XPO5: variants seen among roughly 807,000 people sequenced by gnomAD.
The protein encoded by XPO5 is exportin 5.
XPO5 carries 46 observed loss-of-function variants against 160.6 expected under a neutral mutation model. The observed-to-expected ratio is 0.29, with a 90% CI of 0.23 to 0.37. The LOEUF is 0.37. XPO5 is among the 10% of genes least tolerant of loss of function. XPO5 has a pLI of 1.00. For missense variants in XPO5, 1,090 were observed against 1,463.9 expected (o/e 0.74, Z 4.17); for synonymous variants, 537 against 519.3 (o/e 1.03, Z -0.46).
Position 43,548,241 on chromosome 6 carries a change from G to C in XPO5, c.2060+20C>G. ...GGGTGCTTGAGTATAGTAAGAGTCA[G>C]GGCAAGGGATCTCCTTTACCTGTGC... On this transcript the variant is annotated intron_variant, in intron 18 of 31. Coordinates refer to ENST00000265351, the MANE Select transcript of XPO5 (RefSeq NM_020750.3). 6.3e-7 allele frequency: 1 copy of C among 1,577,460 alleles called. No homozygotes were observed. The highest frequency in any genetic ancestry group is 8.6e-7 in the Non-Finnish European group (1 of 1,158,572).
chr6:43,539,709 G>C, intron 20 of XPO5: 2 of 675,516 alleles, frequency 3.0e-6, no homozygotes, highest in Non-Finnish European at 5.0e-6. Context: ...GCCATTTGGT[G>C]TTTTCTCGGA....
chr6:43,570,535 T>C lies in XPO5; in HGVS notation c.588A>G (p.Thr196=), dbSNP rs369318781. 1.5e-5 allele frequency: 25 copies of C among 1,613,300 alleles called. No homozygotes were observed. The African/African-American group carries it at 3.1e-4, about 20-fold the overall frequency. Residue 196 remains threonine, a synonymous_variant, in exon 5 of 32, where the codon ACA becomes ACG. Transcript: ENST00000265351. Reference sequence around the variant, plus strand: ...GATACTTGTTTACATTTTCTTGAAGTGTGTTAAGCAGAAAACTGAAGATCC... The same window carrying C: ...GATACTTGTTTACATTTTCTTGAAGCGTGTTAAGCAGAAAACTGAAGATCC... The part of the protein sequence containing the change: ...MERIFSFLLN[T]LQENVNKYQQ...
chr6:43,547,687 G>C lies in XPO5; in HGVS notation c.2081C>G (p.Ala694Gly). Residue 694 changes from alanine (A) to glycine (G), a missense_variant, in exon 19 of 32, where the codon GCT becomes GGT. Coordinates refer to ENST00000265351, the MANE Select transcript of XPO5 (RefSeq NM_020750.3). The part of the protein sequence containing the change: ...DMHRVLSDVD[A>G]FIAYVGTDQK... ...ATCTGTACCCACATACGCAATGAAA[G>C]CATCAACATCTGACAGCACTCTGAA... 1 of 1,613,952 alleles carries C rather than the reference G, an allele frequency of 6.2e-7. No homozygotes were observed. The highest frequency in any genetic ancestry group is 8.5e-7 in the Non-Finnish European group (1 of 1,179,874).
chr6:43,565,609 A>T, intron 8 of XPO5, 51 bp downstream of exon 8: 1 of 1,446,414 alleles, frequency 6.9e-7, no homozygotes, highest in Non-Finnish European at 9.3e-7. Flanking sequence ...CAAATAAGAT[A>T]GAAAAATGAC....
chr6:43,537,655 A>C (rs1007043011), intron 20 of XPO5, among the ~76,000 whole-genome samples: 11 of 152,240 alleles, frequency 7.2e-5, no homozygotes, highest in African/African-American at 2.7e-4. Context: ...GTGTAACAAA[A>C]TAACAAAAAT....
chr6:43,551,265 A>C (rs1231580165), intron 15 of XPO5, 33 bp downstream of exon 15: 1 of 1,534,902 alleles, frequency 6.5e-7, no homozygotes, highest in Admixed American at 2.2e-5. Context: ...AGAAATGTCA[A>C]AATAAAATTT....
intron 12 of XPO5, among the ~76,000 whole-genome samples, chr6:43,556,552 A>T (rs1342551083): frequency 2.6e-5 from 4 of 152,116 alleles, no homozygotes; most frequent in African/African-American, 9.6e-5. Context: ...ATTTTTAAAA[A>T]GTAAATCAGG....
intron 20 of XPO5, chr6:43,539,068 C>T: frequency 4.0e-6 from 6 of 1,484,782 alleles, no homozygotes; most frequent in Middle Eastern, 2.3e-4. Flanking sequence ...TCATGAGCAG[C>T]TTCTTGGGCA....
chr6:43,570,772 A>C (rs1275395532), intron 4 of XPO5, 85 bp downstream of exon 4: 1 of 1,537,578 alleles, frequency 6.5e-7, no homozygotes, highest in African/African-American at 1.4e-5. Context: ...GCCAAAAAAA[A>C]AAACCCACAA....
At position 43,530,836 on chromosome 6, in the gene XPO5, A is replaced by T. The variant is rs755434559; in HGVS notation, c.2541-12T>A. Reference sequence around the variant, plus strand: ...CTAGGATATGAAAACTGTAAAGGGGAAAAAAAGAGCATTGAAAATGACAAA... The same window carrying T: ...CTAGGATATGAAAACTGTAAAGGGGTAAAAAAGAGCATTGAAAATGACAAA... On this transcript the variant is annotated splice_polypyrimidine_tract_variant and intron_variant, in intron 22 of 31. Coordinates refer to ENST00000265351, the MANE Select transcript of XPO5 (RefSeq NM_020750.3). 6.3e-7 allele frequency: 1 copy of T among 1,599,302 alleles called. No individual in the cohort carries two copies. Among genetic ancestry groups the T allele is most frequent in the Middle Eastern group, 1.7e-4 (1 of 5,974 alleles).
At chr6:43,555,808 CTAACA>C in intron 13 of XPO5, 23 bp downstream of exon 13, 1 of 1,613,204 alleles carries the variant, frequency 6.2e-7, no homozygotes, top group Non-Finnish European at 8.5e-7. Context: ...TAACATTTCA[CTAACA>C]TTCAGTAATG....
intron 21 of XPO5, among the ~76,000 whole-genome samples, chr6:43,532,726 G>A (rs1315879814): frequency 6.6e-6 from 1 of 152,116 alleles, no homozygotes; most frequent in Non-Finnish European, 1.5e-5. Context: ...ACTGGGTTAG[G>A]TCTCCCGATA....
At chr6:43,560,889 C>T (rs374179626) in intron 10 of XPO5, 35 bp downstream of exon 10, 1 of 1,553,256 alleles carries the variant, frequency 6.4e-7, no homozygotes, top group South Asian at 1.1e-5. Flanking sequence ...GTTCACCTAA[C>T]TAAACTTTTG....
chr6:43,547,417 T>C (rs1236840211), intron 19 of XPO5, 191 bp downstream of exon 19: 1 of 678,684 alleles, frequency 1.5e-6, no homozygotes. Flanking sequence ...GAAAAGACCA[T>C]CTGCTCTGCT....
chr6:43,528,352 G>GT (rs1309449761), intron 24 of XPO5, 147 bp from the exon 25 acceptor site: 9 of 746,414 alleles, frequency 1.2e-5, no homozygotes, highest in Non-Finnish European at 1.8e-5. Flanking sequence ...ACACCACAAG[G>GT]TTAAAAAAAA....
chr6:43,528,244 A>G, intron 24 of XPO5, 39 bp from the exon 25 acceptor site: 1 of 1,553,320 alleles, frequency 6.4e-7, no homozygotes, highest in African/African-American at 1.4e-5. Flanking sequence ...AGAATTGGGG[A>G]AAGGATTGGA....
At chr6:43,558,731 C>G in intron 11 of XPO5, 140 bp from the exon 12 acceptor site, 1 of 615,382 alleles carries the variant, frequency 1.6e-6, no homozygotes, top group South Asian at 2.4e-5. Context: ...ATATCCACTT[C>G]AGTTCTATCA....
intron 20 of XPO5, among the ~76,000 whole-genome samples, chr6:43,545,836 A>G (rs1296080422): frequency 5.9e-5 from 9 of 152,212 alleles, no homozygotes; most frequent in South Asian, 2.1e-4. Context: ...TCAAATATCT[A>G]TATCTAGTAA....
At chr6:43,525,549 T>C (rs1231281048) in intron 28 of XPO5, 12 of 514,036 alleles carry the variant, frequency 2.3e-5, no homozygotes, top group Admixed American at 3.6e-5. Flanking sequence ...AAAACCTGTA[T>C]GTGTAGGATG....
Sources: allele counts gnomAD v4.1 joint callset (sites outside exome capture counted in the v4.1 genomes callset), GRCh38; gene constraint gnomAD v4.1.1; transcripts MANE v1.5; gene names NCBI Gene and HGNC (gene_info 2026-07-23, HGNC 2026-07-21).